Variants in KSR2 observed in about 807,000 individuals in gnomAD.
The protein encoded by KSR2 is kinase suppressor of ras 2.
Under a neutral mutation model 107.8 loss-of-function variants are expected in KSR2, and 25 were observed. The ratio of observed to expected loss-of-function variants is 0.23; its 90% CI spans 0.17 to 0.32. The LOEUF is 0.32. Among genes scored for constraint, KSR2 ranks in the 10% least tolerant of loss-of-function variants. The pLI is 1.00. For missense variants in KSR2, 887 were observed against 1,268.9 expected (o/e 0.70, Z 4.57); for synonymous variants, 480 against 507.0 (o/e 0.95, Z 0.71).
At chr12:117,831,584 C>A (rs1891970346) in intron 3 of KSR2, among the ~76,000 whole-genome samples, 1 of 152,216 alleles carries the variant, frequency 6.6e-6, no homozygotes, top group South Asian at 2.1e-4. Context: ...ATAGCGAAGA[C>A]ACCTACTAGT....
chr12:117,629,094 C>T (rs942897519), intron 5 of KSR2, among the ~76,000 whole-genome samples: 2 of 152,226 alleles, frequency 1.3e-5, no homozygotes, highest in Non-Finnish European at 2.9e-5. Context: ...CCTGTTTTTC[C>T]AGGTAGTCTG....
chr12:117,964,307 TA>T (rs1473112945), intron 1 of KSR2, among the ~76,000 whole-genome samples: 1 of 152,182 alleles, frequency 6.6e-6, no homozygotes, highest in Admixed American at 6.5e-5. Flanking sequence ...ATAGGTAGCA[TA>T]TTAAAGGCTC....
intron 18 of KSR2, among the ~76,000 whole-genome samples, chr12:117,470,215 TCCA>T (rs751900868): frequency 5.7e-4 from 86 of 150,324 alleles, no homozygotes; most frequent in African/African-American, 2.1e-3. Flanking sequence ...CATCCATCCA[TCCA>T]TCCATCCATC....
intron 5 of KSR2, among the ~76,000 whole-genome samples, chr12:117,630,091 C>T (rs761962921): frequency 3.4e-4 from 51 of 152,178 alleles, no homozygotes; most frequent in Non-Finnish European, 6.3e-4. Context: ...TTCCTTCCCC[C>T]GCAGAGGAAG....
intron 7 of KSR2, among the ~76,000 whole-genome samples, chr12:117,577,377 G>A (rs1044798411): frequency 1.3e-5 from 2 of 151,858 alleles, no homozygotes; most frequent in South Asian, 4.1e-4. Context: ...GGGGGGGAGA[G>A]ATTGAGGCCA....
In KSR2 at chr12:117,524,971, G is replaced by A. The variant is rs781403631; in HGVS notation, c.2100C>T (p.Asn700=). 50 of 1,613,726 alleles carry A rather than the reference G, an allele frequency of 3.1e-5. No homozygotes were observed. The highest frequency in any genetic ancestry group is 1.6e-4 in the South Asian group (15 of 91,062). The change falls in exon 14 of 20, where the codon AAC becomes AAT. Residue 700 remains asparagine, a synonymous_variant. Transcript: ENST00000339824. Reference sequence around the variant, plus strand: ...GCTTGAAGGCCTTGAGCTGGTCCTCGTTGTCCCTCTCAATGTCAATCAGCC... The same window carrying A: ...GCTTGAAGGCCTTGAGCTGGTCCTCATTGTCCCTCTCAATGTCAATCAGCC... ...AIRLIDIERD[N]EDQLKAFKRE...
At chr12:117,542,873 T>C (rs943775836) in intron 9 of KSR2, among the ~76,000 whole-genome samples, 1 of 152,238 alleles carries the variant, frequency 6.6e-6, no homozygotes, top group African/African-American at 2.4e-5. Context: ...CAGATTGCCT[T>C]TTTTCACTCA....
At chr12:117,755,747 G>A (rs766840292) in intron 4 of KSR2, among the ~76,000 whole-genome samples, 8 of 152,200 alleles carry the variant, frequency 5.3e-5, no homozygotes, top group African/African-American at 1.7e-4. Context: ...AGGAAGATAC[G>A]TCAAAAGCCA....
At chr12:117,655,429 T>C (rs1376347686) in intron 5 of KSR2, among the ~76,000 whole-genome samples, 2 of 152,166 alleles carry the variant, frequency 1.3e-5, no homozygotes, top group Admixed American at 6.5e-5. Flanking sequence ...TAGGTGGCAA[T>C]ACTCTGCAGG....
At chr12:117,733,436 C>T (rs571128020) in intron 4 of KSR2, among the ~76,000 whole-genome samples, 18 of 152,180 alleles carry the variant, frequency 1.2e-4, no homozygotes, top group Non-Finnish European at 2.5e-4. Context: ...CAGGGGTCAG[C>T]GTATTTCAGC....
At chr12:117,503,953 G>A (rs931650502) in intron 14 of KSR2, among the ~76,000 whole-genome samples, 1 of 152,148 alleles carries the variant, frequency 6.6e-6, no homozygotes, top group Non-Finnish European at 1.5e-5. Flanking sequence ...TTGAAAAAAC[G>A]TAGTTCTTTT....
intron 1 of KSR2, among the ~76,000 whole-genome samples, chr12:117,921,328 C>T (rs761063168): frequency 5.9e-5 from 9 of 152,150 alleles, no homozygotes; most frequent in South Asian, 2.1e-4. Context: ...TATATACTTA[C>T]GTGATAAATG....
At chr12:117,727,182 C>A (rs1322555704) in intron 4 of KSR2, among the ~76,000 whole-genome samples, 1 of 151,480 alleles carries the variant, frequency 6.6e-6, no homozygotes, top group Admixed American at 6.6e-5. Context: ...TTGAGACCAG[C>A]CTGGGCAAGA....
In KSR2 at chr12:117,467,824, G is replaced by A. The variant is rs1229142885; in HGVS notation, c.2847-619C>T. ...ACATAAAAGATGTTCAGTACACATA[G>A]GCTGAATAAAAAAAAAAAATGAATG... On this transcript the variant is annotated intron_variant, in intron 19 of 19. Transcript: ENST00000339824. 8.5e-6 allele frequency: 3 copies of A among 351,910 alleles called. No homozygotes were observed. In the East Asian group the frequency reaches 2.7e-4, roughly 32 times the overall value. The allele number at this position is 351,910 out of a possible 1,614,324, so 21.8% of individuals were successfully genotyped here. A position where few individuals can be genotyped will look rare whatever the true frequency, so the allele number is the denominator to read the frequency against.
chr12:117,796,580 C>T lies in KSR2; in HGVS notation c.473-35056G>A, dbSNP rs150357808. 4.2e-3 allele frequency among the ~76,000 whole-genome samples: 647 copies of T among 152,272 alleles called. 7 individuals are homozygous for T. Among genetic ancestry groups the T allele is most frequent in the African/African-American group, 0.015 (615 of 41,554 alleles). On this transcript the variant is annotated intron_variant, in intron 3 of 19. Transcript: ENST00000339824. ...CTGCGGACTTCACAGTCAAACAGGTCTAAGTTCAAATCCCAGCCCTGCCCT... is the reference window on the plus strand; with the variant it reads ...CTGCGGACTTCACAGTCAAACAGGTTTAAGTTCAAATCCCAGCCCTGCCCT...
At chr12:117,729,602 G>A (rs182202087) in intron 4 of KSR2, among the ~76,000 whole-genome samples, 9 of 152,188 alleles carry the variant, frequency 5.9e-5, no homozygotes, top group East Asian at 3.9e-4. Context: ...CGTTCACTCC[G>A]TAATGGGGAG....
At chr12:117,704,411 C>T (rs1593149805) in intron 4 of KSR2, among the ~76,000 whole-genome samples, 1 of 152,262 alleles carries the variant, frequency 6.6e-6, no homozygotes, top group Non-Finnish European at 1.5e-5. Context: ...AATTGATCAA[C>T]ACAGCCTCAC....
intron 3 of KSR2, among the ~76,000 whole-genome samples, chr12:117,777,448 A>G (rs1340772163): frequency 6.6e-6 from 1 of 152,166 alleles, no homozygotes; most frequent in African/African-American, 2.4e-5. Flanking sequence ...TTACACCATG[A>G]GAGCTGAAAT....
intron 7 of KSR2, among the ~76,000 whole-genome samples, chr12:117,575,758 A>C (rs1175664284): frequency 2.0e-5 from 3 of 152,324 alleles, no homozygotes; most frequent in African/African-American, 4.8e-5. Flanking sequence ...TTTGTCTCTT[A>C]TATGCCAGGA....
Sources: gnomAD v4.1 joint callset for allele counts (sites outside exome capture counted in the v4.1 genomes callset) on GRCh38, gnomAD v4.1.1 for gene constraint, MANE v1.5 for transcripts, NCBI Gene and HGNC (gene_info 2026-07-23, HGNC 2026-07-21) for gene names.